The following SMG5 variants were observed in gnomAD, a reference collection of about 807,000 sequenced individuals.
SMG5 encodes SMG5 nonsense mediated mRNA decay factor.
Under a neutral mutation model 122.9 loss-of-function variants are expected in SMG5, and 53 were observed. That is an observed-to-expected ratio of 0.43 (90% CI 0.35 to 0.54). The LOEUF is 0.54. SMG5 is among the 20% of genes least tolerant of loss of function. The probability of loss-of-function intolerance (pLI) is 0.01; values close to 1 mark genes in which losing one functional copy is unlikely to be tolerated. For synonymous variants in SMG5, 477 were observed against 490.2 expected (o/e 0.97, Z 0.35); for missense variants, 1,153 against 1,285.6 (o/e 0.90, Z 1.58).
intron 13 of SMG5, among the ~76,000 whole-genome samples, chr1:156,262,069 C>CA (rs1317192964): frequency 6.6e-6 from 1 of 151,274 alleles, no homozygotes; most frequent in African/African-American, 2.4e-5. Context: ...CAAAACAAAA[C>CA]AAAAAAAGCC....
At chr1:156,260,917 T>C (rs1171225605) in intron 14 of SMG5, among the ~76,000 whole-genome samples, 1 of 152,068 alleles carries the variant, frequency 6.6e-6, no homozygotes, top group Non-Finnish European at 1.5e-5. Context: ...TCAGGATGAA[T>C]GAATAGCCCT....
intron 12 of SMG5, among the ~76,000 whole-genome samples, chr1:156,264,083 C>T (rs934104802): frequency 1.4e-4 from 22 of 151,906 alleles, no homozygotes; most frequent in African/African-American, 4.8e-4. Flanking sequence ...GCCTGGCCAA[C>T]ATGGTGAAAC....
intron 4 of SMG5, 82 bp from the exon 5 acceptor site, chr1:156,274,768 G>A (rs12122180): frequency 0.27 from 305,167 of 1,120,066 alleles, 43,642 homozygotes; most frequent in Non-Finnish European, 0.29. Context: ...CCGAGATGTA[G>A]AGACTAAGAA....
intron 4 of SMG5, 105 bp from the exon 5 acceptor site, chr1:156,274,791 C>T: frequency 1.1e-6 from 1 of 870,596 alleles, no homozygotes; most frequent in East Asian, 2.8e-5. Context: ...CAGGGCCAGT[C>T]TTGGAACATT....
At chr1:156,286,578 C>T (rs1258793672), upstream of SMG5, 2 of 1,175,046 alleles carry the variant, frequency 1.7e-6, no homozygotes, top group East Asian at 2.4e-5. Flanking sequence ...GGATTCTACA[C>T]TGGCCCAAAT....
intron 16 of SMG5, among the ~76,000 whole-genome samples, chr1:156,254,838 C>T (rs1241861384): frequency 1.3e-5 from 2 of 151,932 alleles, no homozygotes; most frequent in Non-Finnish European, 2.9e-5. Flanking sequence ...ACCTGTAATC[C>T]CAGCACTTTG....
intron 11 of SMG5, 54 bp from the exon 12 acceptor site, chr1:156,266,434 C>A: frequency 6.3e-7 from 1 of 1,599,954 alleles, no homozygotes; most frequent in South Asian, 1.1e-5. Context: ...AGCCTGGAAG[C>A]TGGAATGTGC....
intron 13 of SMG5, among the ~76,000 whole-genome samples, chr1:156,262,809 A>C (rs1304797060): frequency 2.0e-5 from 3 of 152,200 alleles, no homozygotes; most frequent in African/African-American, 7.2e-5. Flanking sequence ...CTTCCACAGC[A>C]GGGCAGGTAT....
rs746005953 is a variant in SMG5 at position 156,252,394 on chromosome 1, T to C, written c.2753+20A>G. On this transcript the variant is annotated intron_variant, in intron 19 of 21. Coordinates refer to ENST00000361813, the MANE Select transcript of SMG5 (RefSeq NM_015327.3). Reference sequence around the variant, plus strand: ...AGACAGACCCAGGGCTCAGCACAGGTCCAGCCAGGCCACACTCACCTGTTT... The same window carrying C: ...AGACAGACCCAGGGCTCAGCACAGGCCCAGCCAGGCCACACTCACCTGTTT... 2.5e-6 allele frequency: 4 copies of C among 1,612,628 alleles called. No homozygotes were observed. The South Asian group carries it at 4.4e-5, about 18-fold the overall frequency.
At chr1:156,279,103 C>T in intron 1 of SMG5, 69 bp from the exon 2 acceptor site, 7 of 1,328,004 alleles carry the variant, frequency 5.3e-6, no homozygotes, top group Admixed American at 1.7e-5. Flanking sequence ...CGCTGGGACA[C>T]GATTCTAGAG....
At chr1:156,264,267 C>CCAA (rs1662008179) in intron 12 of SMG5, among the ~76,000 whole-genome samples, 1 of 53,978 alleles carries the variant, frequency 1.9e-5, no homozygotes, top group Non-Finnish European at 3.1e-5. Flanking sequence ...GACTCCGTCT[C>CCAA]AAAAAAAAAA....
In SMG5 at chr1:156,249,934, G is replaced by C. The variant is rs1340618154; in HGVS notation, c.*653C>G. On this transcript the variant is annotated 3_prime_UTR_variant, in exon 22 of 22. Transcript: ENST00000361813. The stretch of plus-strand genomic sequence containing the variant: ...CAGAGGGAGACACAAAGCAGAAGTG[G>C]GGCAATGGGATGTGCAGCCCCTGCA... 2.1e-6 allele frequency: 1 copy of C among 471,156 alleles called. No individual in the cohort carries two copies. The highest frequency in any genetic ancestry group is 2.3e-5 in the Admixed American group (1 of 42,594). 29.2% of individuals were successfully genotyped at this position (471,156 alleles called of 1,614,324 possible).
In SMG5 at chr1:156,277,910, A is replaced by T; in HGVS notation, c.297+15T>A. ...TTCCTTGGCTTTCCCTCTTTAGACA[A>T]GGACTTCCCCTTACCTTTTTGTTAG... On this transcript the variant is annotated intron_variant, in intron 3 of 21. Coordinates refer to ENST00000361813, the MANE Select transcript of SMG5 (RefSeq NM_015327.3). 1 of 1,613,418 alleles carries T rather than the reference A, an allele frequency of 6.2e-7. No homozygotes were observed. Among genetic ancestry groups the T allele is most frequent in the Non-Finnish European group, 8.5e-7 (1 of 1,179,550 alleles).
At chr1:156,259,355 C>G (rs1661716724) in intron 15 of SMG5, among the ~76,000 whole-genome samples, 192 bp from the exon 16 acceptor site, 1 of 152,014 alleles carries the variant, frequency 6.6e-6, no homozygotes, top group Admixed American at 6.5e-5. Flanking sequence ...CCTCTAACTG[C>G]CAGAAAACGA....
At chr1:156,286,139 C>A, upstream of SMG5, 4 of 1,358,892 alleles carry the variant, frequency 2.9e-6, no homozygotes, top group South Asian at 1.3e-5. Flanking sequence ...CTCCCAGGAC[C>A]ACCTCCACCC....
intron 16 of SMG5, among the ~76,000 whole-genome samples, chr1:156,255,185 A>C (rs918350442): frequency 1.3e-5 from 2 of 150,324 alleles, no homozygotes; most frequent in African/African-American, 2.4e-5. Context: ...ATTTTGGGAG[A>C]CCGAGGTCAG....
intron 16 of SMG5, 89 bp from the exon 17 acceptor site, chr1:156,253,597 CAG>C (rs1661452693): frequency 1.7e-6 from 2 of 1,202,000 alleles, no homozygotes; most frequent in Non-Finnish European, 2.5e-6. Context: ...CCTGGGGTCT[CAG>C]TGTGACCTCA....
chr1:156,276,587 G>A (rs559693218), intron 4 of SMG5, among the ~76,000 whole-genome samples: 1 of 152,196 alleles, frequency 6.6e-6, no homozygotes, highest in Non-Finnish European at 1.5e-5. Context: ...GAGCTCTAAA[G>A]GATGGCTGAA....
intron 13 of SMG5, 41 bp from the exon 14 acceptor site, chr1:156,261,449 A>G (rs1283815849): frequency 1.9e-6 from 3 of 1,554,464 alleles, no homozygotes; most frequent in African/African-American, 1.4e-5. Flanking sequence ...AGCTAGAGAC[A>G]GTGGTGGAGA....
Sources: gnomAD v4.1 joint callset for allele counts (sites outside exome capture counted in the v4.1 genomes callset) on GRCh38, gnomAD v4.1.1 for gene constraint, MANE v1.5 for transcripts, NCBI Gene and HGNC (gene_info 2026-07-23, HGNC 2026-07-21) for gene names.